Variants in PSMA1 observed in about 807,000 individuals in gnomAD.
PSMA1 encodes the protein proteasome 20S subunit alpha 1.
In PSMA1, 3 loss-of-function variants were observed where a neutral mutation model predicts 38.4. That is an observed-to-expected ratio of 0.08 (90% CI 0.04 to 0.20). The LOEUF (loss-of-function observed/expected upper bound fraction) is 0.20, where lower values mean the gene tolerates loss of function less well. Ranked by LOEUF, PSMA1 falls within the 10% of genes least tolerant of loss-of-function variation. PSMA1 has a pLI of 1.00. For synonymous variants in PSMA1, 101 were observed against 107.1 expected (o/e 0.94, Z 0.35); for missense variants, 227 against 325.3 (o/e 0.70, Z 2.32).
At chr11:14,593,670 C>A (rs1375553190) in intron 2 of PSMA1, among the ~76,000 whole-genome samples, 2 of 124,332 alleles carry the variant, frequency 1.6e-5, no homozygotes, top group African/African-American at 3.0e-5. Flanking sequence ...GAGCGCCAGC[C>A]CTAATGTGTG....
intron 2 of PSMA1, among the ~76,000 whole-genome samples, chr11:14,576,098 G>T (rs1006509275): frequency 1.3e-5 from 2 of 152,098 alleles, no homozygotes; most frequent in African/African-American, 4.8e-5. Flanking sequence ...CCCACTTTTT[G>T]ATGGGGTTGT....
intron 2 of PSMA1, among the ~76,000 whole-genome samples, chr11:14,545,909 G>T (rs1028617099): frequency 1.3e-5 from 2 of 152,146 alleles, no homozygotes; most frequent in South Asian, 2.1e-4. Flanking sequence ...GCAGAGATTG[G>T]GGGAGATCCT....
intron 1 of PSMA1, among the ~76,000 whole-genome samples, chr11:14,614,856 C>G (rs530170237): frequency 6.6e-6 from 1 of 152,284 alleles, no homozygotes; most frequent in South Asian, 2.1e-4. Flanking sequence ...CTAGTCCATC[C>G]TTTACACTGC....
intron 2 of PSMA1, among the ~76,000 whole-genome samples, chr11:14,536,040 T>C (rs556161557): frequency 3.3e-5 from 5 of 152,158 alleles, no homozygotes; most frequent in African/African-American, 1.2e-4. Flanking sequence ...CACTCTGAAG[T>C]GTCCAGCCAA....
rs535925336 is a variant in PSMA1 at position 14,578,406 on chromosome 11, G to C, written c.21+32560C>G. Reference sequence around the variant, plus strand: ...CATTGTCAGTAGCTTGGCAGGGCTGGAGCAAGAAAGGATGGACAAATTTCT... The same window carrying C: ...CATTGTCAGTAGCTTGGCAGGGCTGCAGCAAGAAAGGATGGACAAATTTCT... On this transcript the variant is annotated intron_variant, in intron 2 of 10. Transcript: ENST00000418988. 3.3e-5 allele frequency among the ~76,000 whole-genome samples: 5 copies of C among 152,240 alleles called. No homozygotes were observed. The South Asian group carries it at 6.2e-4, about 19-fold the overall frequency.
chr11:14,628,510 G>A (rs1852949371), intron 1 of PSMA1, among the ~76,000 whole-genome samples: 1 of 150,260 alleles, frequency 6.7e-6, no homozygotes, highest in Admixed American at 6.6e-5. Flanking sequence ...CCTTTTTTAT[G>A]GCTGCATAGT....
At chr11:14,631,024 T>C (rs1307316573) in intron 1 of PSMA1, among the ~76,000 whole-genome samples, 2 of 152,188 alleles carry the variant, frequency 1.3e-5, no homozygotes, top group African/African-American at 4.8e-5. Flanking sequence ...CCCTTTATCA[T>C]TTTTTATTGC....
chr11:14,527,012 G>A (rs1200002164), intron 2 of PSMA1, among the ~76,000 whole-genome samples: 1 of 152,074 alleles, frequency 6.6e-6, no homozygotes, highest in African/African-American at 2.4e-5. Context: ...CTCTTAATAT[G>A]CCTTCCATAT....
chr11:14,561,577 T>C (rs1852008100), intron 2 of PSMA1, among the ~76,000 whole-genome samples: 1 of 152,178 alleles, frequency 6.6e-6, no homozygotes, highest in Non-Finnish European at 1.5e-5. Context: ...AATCTCTTTG[T>C]AGTCCTTCCT....
At chr11:14,518,745 G>T (rs145059278) in intron 2 of PSMA1, among the ~76,000 whole-genome samples, 59 of 151,866 alleles carry the variant, frequency 3.9e-4, no homozygotes, top group African/African-American at 1.2e-3. Flanking sequence ...ATATATATTT[G>T]CCCTTTTAAA....
intron 1 of PSMA1, among the ~76,000 whole-genome samples, chr11:14,626,258 A>G (rs373426496): frequency 6.6e-6 from 1 of 152,278 alleles, no homozygotes; most frequent in South Asian, 2.1e-4. Context: ...AAATCACTCA[A>G]GTGTGCCCTG....
intron 1 of PSMA1, among the ~76,000 whole-genome samples, chr11:14,620,426 T>C (rs531124685): frequency 6.6e-6 from 1 of 152,316 alleles, no homozygotes; most frequent in South Asian, 2.1e-4. Flanking sequence ...CCCTGGCCCA[T>C]AGCCCAGTAG....
At chr11:14,627,076 T>C (rs1006281610) in intron 1 of PSMA1, among the ~76,000 whole-genome samples, 21 of 152,178 alleles carry the variant, frequency 1.4e-4, no homozygotes, top group Admixed American at 2.6e-4. Flanking sequence ...CTGGTGTCTC[T>C]TCCTCTTCTT....
intron 2 of PSMA1, among the ~76,000 whole-genome samples, chr11:14,604,988 T>C (rs751924490): frequency 5.3e-5 from 8 of 152,236 alleles, no homozygotes; most frequent in Non-Finnish European, 7.3e-5. Flanking sequence ...ATGTCTTTGC[T>C]ATTGTGAATA....
intron 2 of PSMA1, among the ~76,000 whole-genome samples, chr11:14,525,903 C>T (rs1191722246): frequency 2.0e-5 from 3 of 152,172 alleles, no homozygotes; most frequent in African/African-American, 7.2e-5. Context: ...TGCTTCTCAC[C>T]TTATTCAATA....
chr11:14,510,842 A>G, intron 8 of PSMA1, 30 bp downstream of exon 8: 1 of 1,498,750 alleles, frequency 6.7e-7, no homozygotes. Flanking sequence ...TGTAACGTTA[A>G]TATCTACAAT....
chr11:14,583,390 C>G (rs564052780), intron 2 of PSMA1, among the ~76,000 whole-genome samples: 12 of 152,322 alleles, frequency 7.9e-5, no homozygotes, highest in African/African-American at 2.9e-4. Flanking sequence ...GCCGTGTACA[C>G]TGGAGATGCA....
chr11:14,569,402 A>C lies in PSMA1; in HGVS notation c.21+41564T>G, dbSNP rs532485840. 1.6e-4 allele frequency among the ~76,000 whole-genome samples: 25 copies of C among 152,326 alleles called. No homozygotes were observed. In the East Asian group the frequency reaches 4.8e-3, roughly 29 times the overall value. On this transcript the variant is annotated intron_variant, in intron 2 of 10. Transcript: ENST00000418988. ...CAGCCCACAGAGCATGAGGTGAAGC[A>C]GGGTGGGGCATTACCTCACCTGGGA... is the stretch of plus-strand genomic sequence containing the variant.
intron 2 of PSMA1, among the ~76,000 whole-genome samples, chr11:14,599,502 TG>T (rs749203614): frequency 6.6e-6 from 1 of 152,184 alleles, no homozygotes; most frequent in Non-Finnish European, 1.5e-5. Context: ...CTTCAGTAAC[TG>T]ATACCCTTTC....
Sources: allele counts gnomAD v4.1 joint callset (sites outside exome capture counted in the v4.1 genomes callset), GRCh38; gene constraint gnomAD v4.1.1; transcripts MANE v1.5; gene names NCBI Gene and HGNC (gene_info 2026-07-23, HGNC 2026-07-21).